Variants in CYTH3 observed in about 807,000 individuals in gnomAD.
CYTH3 encodes cytohesin-3.
In CYTH3, 23 loss-of-function variants were observed where a neutral mutation model predicts 55.1. The observed-to-expected ratio is 0.42, with a 90% CI of 0.30 to 0.59. CYTH3 has a LOEUF of 0.59. CYTH3 is among the 20% of genes least tolerant of loss of function. The pLI is 0.20. For synonymous variants in CYTH3, 249 were observed against 194.9 expected (o/e 1.28, Z -2.31); for missense variants, 413 against 524.8 (o/e 0.79, Z 2.08).
chr7:6,173,157 T>C, intron 6 of CYTH3: 1 of 760,404 alleles, frequency 1.3e-6, no homozygotes. Flanking sequence ...GACAACTTCC[T>C]GCTTGCAGAG....
At position 6,187,627 on chromosome 7, in the gene CYTH3, T is replaced by C. The variant is rs774024425; in HGVS notation, c.182+30A>G. The C allele has an allele frequency of 3.2e-6, 5 of 1,585,482 alleles. No homozygotes were observed. The South Asian group carries it at 3.3e-5, about 11-fold the overall frequency. On this transcript the variant is annotated intron_variant, in intron 3 of 12. Coordinates refer to ENST00000350796, the MANE Select transcript of CYTH3 (RefSeq NM_004227.4). ...ATGGAGGTAGAAAGAAAAGAGTAAA[T>C]AGCTTAAAGGTGTAGCCACAAATTG...
chr7:6,173,827 A>G (rs1396137384), intron 5 of CYTH3, 94 bp from the exon 6 acceptor site: 2 of 780,164 alleles, frequency 2.6e-6, no homozygotes, highest in East Asian at 5.2e-5. Context: ...ATGAACGTTC[A>G]TGCACAAGTT....
At chr7:6,174,807 A>G (rs965171027) in intron 5 of CYTH3, among the ~76,000 whole-genome samples, 1 of 152,124 alleles carries the variant, frequency 6.6e-6, no homozygotes, top group East Asian at 1.9e-4. Context: ...TCGGCCTCCC[A>G]AAGTGCTGGG....
At chr7:6,192,651 C>A (rs1226446153) in intron 1 of CYTH3, among the ~76,000 whole-genome samples, 1 of 150,962 alleles carries the variant, frequency 6.6e-6, no homozygotes, top group Non-Finnish European at 1.5e-5. Flanking sequence ...CCTGCCTCAG[C>A]CTCCCGAGTA....
rs750949785 is a variant in CYTH3 at position 6,188,107 on chromosome 7, G to A, written c.118-386C>T. Among the ~76,000 whole-genome samples the A allele has an allele frequency of 6.0e-4, 92 of 152,176 alleles. 1 individual carries two copies. The highest frequency in any genetic ancestry group is 1.0e-3 in the Non-Finnish European group (69 of 67,998). On this transcript the variant is annotated intron_variant, in intron 2 of 12. Coordinates refer to ENST00000350796, the MANE Select transcript of CYTH3 (RefSeq NM_004227.4). ...TTTGGGAGGTTGAAGCAGAGGGATC[G>A]CTTGAGATCAGGAGTTTGAGAACAG...
At chr7:6,203,104 C>G (rs565759532) in intron 1 of CYTH3, among the ~76,000 whole-genome samples, 39 of 151,248 alleles carry the variant, frequency 2.6e-4, no homozygotes, top group African/African-American at 9.5e-4. Context: ...TTCACAAAGT[C>G]AGAATTTATA....
chr7:6,184,565 A>G (rs1282054596), intron 4 of CYTH3, among the ~76,000 whole-genome samples: 1 of 152,134 alleles, frequency 6.6e-6, no homozygotes, highest in Non-Finnish European at 1.5e-5. Flanking sequence ...GATGCACAGT[A>G]GTGGCATCAC....
Position 6,187,664 on chromosome 7 carries a change from C to T in CYTH3, c.175G>A (p.Glu59Lys). The T allele has an allele frequency of 6.2e-7, 1 of 1,613,466 alleles. No homozygotes were observed. Among genetic ancestry groups the T allele is most frequent in the Non-Finnish European group, 8.5e-7 (1 of 1,179,368 alleles). Reference protein sequence around the residue: ...MTEIDNLTSVEESKTTQRNKQ... With the variant: ...MTEIDNLTSVKESKTTQRNKQ... ...GTAGCCACAAATTGTTACCTCTCCT[C>T]TACGGAAGTTAGATTGTCGATCTCT... The change falls in exon 3 of 13, where the codon GAG becomes AAG. Residue 59 changes from glutamate to lysine, a missense_variant. Physicochemically the swap from Glu to Lys is moderately conservative, Grantham distance 56. Around this residue, in one of 4 missense-constraint regions of CYTH3, gnomAD observed 152 missense variants for 148.1 expected, o/e 1.03. Transcript: ENST00000350796.
In CYTH3 at chr7:6,187,032, G is replaced by A; in HGVS notation, c.249+18C>T. On this transcript the variant is annotated intron_variant, in intron 4 of 12. Coordinates refer to ENST00000350796, the MANE Select transcript of CYTH3 (RefSeq NM_004227.4). ...AGTCCATCTCCTGCAGGCCAGAAAA[G>A]GGAGAGCATTCTCTTACCTTTTTGG... 1.2e-6 allele frequency: 2 copies of A among 1,612,288 alleles called. No individual in the cohort carries two copies. Among genetic ancestry groups the A allele is most frequent in the South Asian group, 1.1e-5 (1 of 91,046 alleles).
intron 1 of CYTH3, among the ~76,000 whole-genome samples, chr7:6,270,219 A>G (rs1780615450): frequency 6.6e-6 from 1 of 152,246 alleles, no homozygotes; most frequent in African/African-American, 2.4e-5. Flanking sequence ...TATCACTCAT[A>G]TTTCAAAACT....
intron 4 of CYTH3, among the ~76,000 whole-genome samples, chr7:6,183,985 C>T (rs184106252): frequency 1.9e-4 from 28 of 148,888 alleles, no homozygotes; most frequent in African/African-American, 6.7e-4. Flanking sequence ...ACCCTCATCT[C>T]GGACTTCCAG....
intron 1 of CYTH3, among the ~76,000 whole-genome samples, chr7:6,208,867 A>G (rs994938111): frequency 2.0e-5 from 3 of 152,192 alleles, no homozygotes; most frequent in African/African-American, 7.2e-5. Flanking sequence ...AACATGGTCT[A>G]AAGATCTTCT....
At chr7:6,191,653 T>C (rs1469215277) in intron 1 of CYTH3, among the ~76,000 whole-genome samples, 5 of 148,014 alleles carry the variant, frequency 3.4e-5, no homozygotes, top group Non-Finnish European at 5.9e-5. Flanking sequence ...TGGAGTGCAG[T>C]GGCACAATCT....
At chr7:6,178,166 GAC>G (rs2128540443) in intron 4 of CYTH3, among the ~76,000 whole-genome samples, 1 of 152,344 alleles carries the variant, frequency 6.6e-6, no homozygotes, top group East Asian at 1.9e-4. Flanking sequence ...CAAGTTAAAA[GAC>G]AGACAAATGG....
intron 5 of CYTH3, among the ~76,000 whole-genome samples, chr7:6,175,433 A>T (rs1783320667): frequency 6.6e-6 from 1 of 152,106 alleles, no homozygotes; most frequent in Admixed American, 6.6e-5. Flanking sequence ...CTGGTTGAAA[A>T]ATTATTTGAC....
intron 3 of CYTH3, 57 bp downstream of exon 3, chr7:6,187,600 G>C: frequency 1.4e-6 from 2 of 1,480,654 alleles, no homozygotes; most frequent in South Asian, 1.1e-5. Flanking sequence ...TTTGACTACA[G>C]GATGGAGGTA....
In CYTH3 at chr7:6,170,560, G is replaced by A. The variant is rs376531605; in HGVS notation, c.798C>T (p.Asp266=). 18 of 1,613,910 alleles carry A rather than the reference G, an allele frequency of 1.1e-5. No homozygotes were observed. Among genetic ancestry groups the A allele is most frequent in the East Asian group, 2.2e-5 (1 of 44,882 alleles). Residue 266 remains aspartate, a synonymous_variant, in exon 9 of 13, where the codon GAC becomes GAT. Transcript: ENST00000350796. The surrounding 1 kb of genome is among the most constrained non-coding windows in gnomAD (Gnocchi z 7.8). ...NDLTHTFFNP[D]REGWLLKLGG... ...CCAGCTTCAGGAGCCAGCCCTCGCG[G>A]TCGGGGTTGAAGAAGGTGTGGGTCA...
At position 6,254,152 on chromosome 7, in the gene CYTH3, C is replaced by G. The variant is rs185679111; in HGVS notation, c.34+18322G>C. Among the ~76,000 whole-genome samples the G allele has an allele frequency of 1.4e-3, 206 of 152,186 alleles. 1 individual carries two copies. The highest frequency in any genetic ancestry group is 1.9e-3 in the Non-Finnish European group (129 of 68,002). ...AGCTGAGAGATCGCACCACTGCACT[C>G]CAGCCCTGGCCACAGAGCAAGACTC... On this transcript the variant is annotated intron_variant, in intron 1 of 12. Transcript: ENST00000350796.
At chr7:6,255,758 G>GC (rs1780084704) in intron 1 of CYTH3, among the ~76,000 whole-genome samples, 10 of 89,402 alleles carry the variant, frequency 1.1e-4, no homozygotes, top group African/African-American at 4.9e-4. Context: ...CCTTTAATCT[G>GC]TTTTTTTTTT....
Sources: gnomAD v4.1 joint callset for allele counts (sites outside exome capture counted in the v4.1 genomes callset) on GRCh38, gnomAD v4.1.1 for gene constraint, gnomAD v4.1.1 regional missense constraint, Gnocchi (gnomAD v3.1) non-coding constraint, MANE v1.5 for transcripts, NCBI Gene and HGNC (gene_info 2026-07-23, HGNC 2026-07-21) for gene names.